Variants in RABL2A observed in about 807,000 individuals in gnomAD.
RABL2A encodes the protein rab-like protein 2A.
RABL2A carries 17 observed loss-of-function variants against 30.7 expected under a neutral mutation model. That is an observed-to-expected ratio of 0.55 (90% CI 0.38 to 0.83). RABL2A has a LOEUF of 0.83. Ranked by LOEUF, RABL2A falls within the 40% of genes least tolerant of loss-of-function variation. The pLI is 0.00. For missense variants in RABL2A, 155 were observed against 272.6 expected (o/e 0.57, Z 3.04); for synonymous variants, 64 against 101.8 (o/e 0.63, Z 2.24).
chr2:113,636,177 T>C (rs1431392898), intron 5 of RABL2A, among the ~76,000 whole-genome samples: 2 of 152,186 alleles, frequency 1.3e-5, no homozygotes, highest in East Asian at 3.8e-4. Flanking sequence ...GTCTTCTGAA[T>C]TATTAACCCT....
At chr2:113,641,608 T>C in intron 7 of RABL2A, 158 bp downstream of exon 7, 1 of 1,380,654 alleles carries the variant, frequency 7.2e-7, no homozygotes, top group Admixed American at 2.0e-5. Context: ...CTGGACTTGA[T>C]GAGGCAGAAG....
At chr2:113,630,572 T>C (rs1178477962) in intron 2 of RABL2A, among the ~76,000 whole-genome samples, 8 of 152,196 alleles carry the variant, frequency 5.3e-5, no homozygotes, top group Admixed American at 3.3e-4. Context: ...TGCGGCCTTC[T>C]TGCAGAGTTC....
intron 5 of RABL2A, 45 bp downstream of exon 5, chr2:113,635,175 G>T: frequency 6.2e-7 from 1 of 1,607,148 alleles, no homozygotes; most frequent in Admixed American, 1.7e-5. Context: ...GGCAAGTCTG[G>T]CCTGAGGGGT....
In RABL2A at chr2:113,627,392, G is replaced by A. The variant is rs1413735423; in HGVS notation, c.-62G>A. 1 of 147,446 alleles carries A rather than the reference G, an allele frequency of 6.8e-6. No homozygotes were observed. The highest frequency in any genetic ancestry group is 1.5e-5 in the Non-Finnish European group (1 of 67,330). The allele number at this position is 147,446 out of a possible 1,614,324, so 9.1% of individuals were successfully genotyped here. A position where few individuals can be genotyped will look rare whatever the true frequency, so the allele number is the denominator to read the frequency against. On this transcript the variant is annotated 5_prime_UTR_variant, in exon 1 of 9. Coordinates refer to ENST00000683472, the MANE Select transcript of RABL2A (RefSeq NM_001306158.2). ...CCCTGGTCTCTCCAGCCCTCACTCGGAACCGCACGTGAGGGCAAATCCGCC... is the reference window on the plus strand; with the variant it reads ...CCCTGGTCTCTCCAGCCCTCACTCGAAACCGCACGTGAGGGCAAATCCGCC...
chr2:113,629,342 A>G (rs1679353937), intron 2 of RABL2A, among the ~76,000 whole-genome samples: 1 of 152,152 alleles, frequency 6.6e-6, no homozygotes, highest in African/African-American at 2.4e-5. Flanking sequence ...GGTCACGTTT[A>G]TCTCCCAAGT....
chr2:113,641,635 A>T (rs1428196221), intron 7 of RABL2A, 146 bp from the exon 8 acceptor site: 22 of 698,258 alleles, frequency 3.2e-5, no homozygotes, highest in Non-Finnish European at 2.4e-6. Context: ...GACCATACAT[A>T]GGTCAGGGTG....
chr2:113,637,003 A>C (rs1384499338), intron 5 of RABL2A, among the ~76,000 whole-genome samples: 1 of 148,162 alleles, frequency 6.7e-6, no homozygotes, highest in East Asian at 2.2e-4. Flanking sequence ...AAAATAAAAA[A>C]ATAAAAAAAT....
At chr2:113,640,795 T>C in intron 5 of RABL2A, 99 bp from the exon 6 acceptor site, 2 of 1,585,888 alleles carry the variant, frequency 1.3e-6, no homozygotes. Flanking sequence ...AACAGCACCA[T>C]GTGCTCATGC....
chr2:113,634,134 C>A lies in RABL2A; in HGVS notation c.138-19C>A, dbSNP rs749707101. 4 of 1,601,024 alleles carry A rather than the reference C, an allele frequency of 2.5e-6. No individual in the cohort carries two copies. The East Asian group carries it at 9.1e-5, about 36-fold the overall frequency. On this transcript the variant is annotated intron_variant, in intron 3 of 8. Coordinates refer to ENST00000683472, the MANE Select transcript of RABL2A (RefSeq NM_001306158.2). ...CTTACCTCCCCTTTTATTGATTTTGCTCCTTAACCTGAGTGCAGTCAGCCA... is the reference window on the plus strand; with the variant it reads ...CTTACCTCCCCTTTTATTGATTTTGATCCTTAACCTGAGTGCAGTCAGCCA...
At chr2:113,636,662 A>T in intron 5 of RABL2A, among the ~76,000 whole-genome samples, 1 of 152,210 alleles carries the variant, frequency 6.6e-6, no homozygotes, top group Non-Finnish European at 1.5e-5. Flanking sequence ...CATGGGATGG[A>T]CAGGTTGCCA....
Position 113,642,351 on chromosome 2 carries a change from C to G in RABL2A, c.*222C>G, listed in dbSNP as rs1485129224. On this transcript the variant is annotated 3_prime_UTR_variant, in exon 9 of 9. Coordinates refer to ENST00000683472, the MANE Select transcript of RABL2A (RefSeq NM_001306158.2). ...AATTCCCCACCAGATCTCCTTGAAG[C>G]AGAATTAGGGATCAGCATCATTAAC... The G allele has an allele frequency of 8.8e-7, 1 of 1,132,284 alleles. No homozygotes were observed. The highest frequency in any genetic ancestry group is 1.2e-6 in the Non-Finnish European group (1 of 816,016). 70.1% of individuals were successfully genotyped at this position (1,132,284 alleles called of 1,614,324 possible).
At chr2:113,637,717 A>G in intron 5 of RABL2A, 1 of 1,263,598 alleles carries the variant, frequency 7.9e-7, no homozygotes, top group Non-Finnish European at 1.0e-6. Context: ...CTGACCCTCA[A>G]GAGCAGAGGA....
At chr2:113,633,113 C>G (rs779950834) in intron 3 of RABL2A, 169 bp downstream of exon 3, 11 of 923,940 alleles carry the variant, frequency 1.2e-5, no homozygotes, top group Non-Finnish European at 1.7e-6. Context: ...GATTGACCCA[C>G]ATGGCATTGC....
At chr2:113,635,019 G>A (rs1681981757) in intron 4 of RABL2A, 32 bp from the exon 5 acceptor site, 1 of 1,614,174 alleles carries the variant, frequency 6.2e-7, no homozygotes, top group Non-Finnish European at 8.5e-7. Context: ...AAATGCACCA[G>A]GCATGTAGGT....
At chr2:113,634,306 G>T in intron 4 of RABL2A, 74 bp downstream of exon 4, 1 of 1,556,930 alleles carries the variant, frequency 6.4e-7, no homozygotes, top group Non-Finnish European at 8.7e-7. Context: ...GTGAGGCAAG[G>T]TTCATAAGGA....
intron 2 of RABL2A, among the ~76,000 whole-genome samples, chr2:113,631,802 C>T (rs1680461463): frequency 6.6e-6 from 1 of 151,842 alleles, no homozygotes; most frequent in African/African-American, 2.4e-5. Context: ...TCCTCTTCCT[C>T]CTGCACTTTC....
Position 113,640,921 on chromosome 2 carries a change from T to G in RABL2A, c.325T>G (p.Tyr109Asp). The G allele has an allele frequency of 6.2e-7, 1 of 1,613,834 alleles. No homozygotes were observed. The highest frequency in any genetic ancestry group is 8.5e-7 in the Non-Finnish European group (1 of 1,179,842). Residue 109 changes from tyrosine (Y) to aspartate (D), a missense_variant, in exon 6 of 9, where the codon TAT (tyrosine) becomes GAT (aspartate). Physicochemically the swap from Tyr to Asp is radical, Grantham distance 160 (BLOSUM62 -3). This residue lies in a region of RABL2A where 82 missense variants were observed against 103.2 expected (regional missense o/e 0.79). Coordinates refer to ENST00000683472, the MANE Select transcript of RABL2A (RefSeq NM_001306158.2). ...MVFDIQRKVT[Y>D]RNLSTWYTEL... ...GTTTGATATACAGAGGAAAGTCACC[T>G]ATAGGAACCTGAGCACCTGGTATAC...
intron 5 of RABL2A, among the ~76,000 whole-genome samples, chr2:113,638,905 A>G (rs1267733837): frequency 6.6e-6 from 1 of 152,084 alleles, no homozygotes; most frequent in Non-Finnish European, 1.5e-5. Flanking sequence ...ATAAATAAAT[A>G]AATAAAAATA....
chr2:113,630,752 C>T (rs1204065214), intron 2 of RABL2A, among the ~76,000 whole-genome samples: 1 of 152,134 alleles, frequency 6.6e-6, no homozygotes, highest in Non-Finnish European at 1.5e-5. Flanking sequence ...GACCTGGGCA[C>T]TGCCTCCTGT....
Sources: allele counts gnomAD v4.1 joint callset (sites outside exome capture counted in the v4.1 genomes callset), GRCh38; gene constraint gnomAD v4.1.1; regional missense constraint gnomAD v4.1.1; transcripts MANE v1.5; gene names NCBI Gene and HGNC (gene_info 2026-07-23, HGNC 2026-07-21).